The following ANGPT2 variants were observed in gnomAD, a reference collection of about 807,000 sequenced individuals.
The protein encoded by ANGPT2 is angiopoietin 2.
Under a neutral mutation model 62.9 loss-of-function variants are expected in ANGPT2, and 28 were observed. That is an observed-to-expected ratio of 0.44 (90% confidence interval 0.33 to 0.61). The LOEUF is 0.61. ANGPT2 is among the 20% of genes least tolerant of loss of function. The pLI is 0.03. For synonymous variants in ANGPT2, 284 were observed against 207.8 expected, an observed-to-expected ratio of 1.37 and a Z score of -3.15; for missense variants, 727 against 594.9, an observed-to-expected ratio of 1.22 and a Z score of -2.31.
intron 1 of ANGPT2, among the ~76,000 whole-genome samples, chr8:6,559,637 G>A (rs1825208348): frequency 6.6e-6 from 1 of 152,138 alleles, no homozygotes; most frequent in Non-Finnish European, 1.5e-5. Flanking sequence ...ACTCATCAGT[G>A]TGAAATAGTT....
chr8:6,506,551 G>T (rs1191144689), intron 8 of ANGPT2, among the ~76,000 whole-genome samples: 2 of 152,150 alleles, frequency 1.3e-5, no homozygotes, highest in Non-Finnish European at 2.9e-5. Context: ...TCCAGCATGT[G>T]GGGAAATGGT....
chr8:6,534,472 T>A (rs1489242427), intron 1 of ANGPT2, among the ~76,000 whole-genome samples: 1 of 152,132 alleles, frequency 6.6e-6, no homozygotes, highest in East Asian at 1.9e-4. Context: ...GCTCCAAGCA[T>A]GTGTAAAATC....
In ANGPT2 at chr8:6,502,393, G is replaced by T. The variant is rs945509138; in HGVS notation, c.*708C>A. 1 of 152,078 alleles carries T rather than the reference G, an allele frequency of 6.6e-6. No homozygotes were observed. The highest frequency in any genetic ancestry group is 1.5e-5 in the Non-Finnish European group (1 of 68,008). 9.4% of individuals were successfully genotyped at this position (152,078 alleles called of 1,614,324 possible). ...GTCTGCATATAAACTAAAATGGCAC[G>T]TTTCTGTTGATAATTTCAGAGATTC... On this transcript the variant is annotated 3_prime_UTR_variant, in exon 9 of 9. Coordinates refer to ENST00000629816, the MANE Select transcript of ANGPT2 (RefSeq NM_001118887.2).
chr8:6,513,790 G>C lies in ANGPT2; in HGVS notation c.1084C>G (p.Leu362Val), dbSNP rs752142320. 3 of 1,614,000 alleles carry C rather than the reference G, an allele frequency of 1.9e-6. No homozygotes were observed. Among genetic ancestry groups the C allele is most frequent in the South Asian group, 2.2e-5 (2 of 90,990 alleles). The change falls in exon 7 of 9, where the codon CTG becomes GTG. Residue 362 changes from leucine (L) to valine (V), a missense_variant. Coordinates refer to ENST00000629816, the MANE Select transcript of ANGPT2 (RefSeq NM_001118887.2). ...YWLGNEFVSQ[L>V]TNQQRYVLKI... ...AGCACATAGCGTTGCTGATTAGTCA[G>C]TTGCGAAACAAACTCATTTCCCAGC...
At chr8:6,513,634 C>G in intron 7 of ANGPT2, 44 bp downstream of exon 7, 1 of 1,573,472 alleles carries the variant, frequency 6.4e-7, no homozygotes. Context: ...TGCCCGGCCA[C>G]AAATCTTTTA....
intron 1 of ANGPT2, among the ~76,000 whole-genome samples, chr8:6,559,890 A>G (rs1488872338): frequency 6.6e-6 from 1 of 152,222 alleles, no homozygotes; most frequent in Admixed American, 6.5e-5. Flanking sequence ...TAACTACTAC[A>G]CAGTGAGTAA....
At chr8:6,543,108 C>T (rs1326629575) in intron 1 of ANGPT2, among the ~76,000 whole-genome samples, 2 of 152,160 alleles carry the variant, frequency 1.3e-5, no homozygotes, top group East Asian at 1.9e-4. Context: ...CGCAACTCCA[C>T]CCCCAGCCAA....
At chr8:6,552,731 C>T (rs1227393344) in intron 1 of ANGPT2, among the ~76,000 whole-genome samples, 1 of 152,046 alleles carries the variant, frequency 6.6e-6, no homozygotes, top group Non-Finnish European at 1.5e-5. Flanking sequence ...AAAACTGGTA[C>T]CGTTTCTGAA....
In ANGPT2 at chr8:6,521,269, A is replaced by G. The variant is rs1489237778; in HGVS notation, c.708T>C (p.Thr236=). 1.2e-6 allele frequency: 2 copies of G among 1,613,800 alleles called. No individual in the cohort carries two copies. Among genetic ancestry groups the G allele is most frequent in the African/African-American group, 2.7e-5 (2 of 74,924 alleles). Residue 236 remains threonine (T), a synonymous_variant, in exon 4 of 9, where the codon ACT becomes ACC. Coordinates refer to ENST00000629816, the MANE Select transcript of ANGPT2 (RefSeq NM_001118887.2). ...IIEELEKKIV[T]ATVNNSVLQK... is the part of the protein sequence containing the mutation. ...GAAGAACTGAATTATTCACCGTGGC[A>G]GTCACTATTTTTTTTTCTAGTTCTT...
At chr8:6,521,102 A>T in intron 4 of ANGPT2, 76 bp downstream of exon 4, 1 of 1,182,778 alleles carries the variant, frequency 8.5e-7, no homozygotes, top group Non-Finnish European at 1.2e-6. Context: ...CTGAAAGGTG[A>T]GAATTTTTTA....
chr8:6,514,756 C>G lies in ANGPT2; in HGVS notation c.950G>C (p.Gly317Ala). Residue 317 changes from glycine (G) to alanine (A), a missense_variant, in exon 6 of 9, where the codon GGA becomes GCA. Coordinates refer to ENST00000629816, the MANE Select transcript of ANGPT2 (RefSeq NM_001118887.2). The stretch of plus-strand genomic sequence containing the variant: ...CTGAATAATTGTCCACCCGCCTCCT[C>G]CAGCTTCCATGTCACAGTAGGCCTG... ...EIKAYCDMEA[G>A]GGGWTIIQRR... 1 of 1,614,050 alleles carries G rather than the reference C, an allele frequency of 6.2e-7. No individual in the cohort carries two copies. Among genetic ancestry groups the G allele is most frequent in the Middle Eastern group, 1.6e-4 (1 of 6,062 alleles).
Position 6,500,147 on chromosome 8 carries a change from C to G in ANGPT2, c.*2954G>C, listed in dbSNP as rs1003110551. 6 of 542,680 alleles carry G rather than the reference C, an allele frequency of 1.1e-5. No homozygotes were observed. The African/African-American group carries it at 1.1e-4, about 10-fold the overall frequency. 33.6% of individuals were successfully genotyped at this position (542,680 alleles called of 1,614,324 possible). On this transcript the variant is annotated 3_prime_UTR_variant, in exon 9 of 9. Coordinates refer to ENST00000629816, the MANE Select transcript of ANGPT2 (RefSeq NM_001118887.2). ...GCAAAAAGTAGTGAGGAATGCAGTC[C>G]AAAGAAAATTTGACGATTAACATCC...
intron 8 of ANGPT2, among the ~76,000 whole-genome samples, chr8:6,506,529 G>C (rs930644767): frequency 2.0e-5 from 3 of 152,188 alleles, no homozygotes; most frequent in Non-Finnish European, 4.4e-5. Flanking sequence ...CCTTCTCAAG[G>C]AGAGAGCTGG....
intron 5 of ANGPT2, among the ~76,000 whole-genome samples, chr8:6,515,973 G>A (rs1238163543): frequency 6.6e-6 from 1 of 152,140 alleles, no homozygotes; most frequent in African/African-American, 2.4e-5. Flanking sequence ...ATGCCTCATT[G>A]CCAGTGCAAC....
intron 1 of ANGPT2, among the ~76,000 whole-genome samples, chr8:6,550,919 G>T (rs147476778): frequency 6.6e-6 from 1 of 152,298 alleles, no homozygotes; most frequent in Non-Finnish European, 1.5e-5. Flanking sequence ...AGCCCAAGGA[G>T]CCCAAGGGGA....
At chr8:6,528,050 C>A (rs896769395) in intron 2 of ANGPT2, among the ~76,000 whole-genome samples, 2 of 143,122 alleles carry the variant, frequency 1.4e-5, no homozygotes, top group African/African-American at 5.1e-5. Flanking sequence ...TGCGTACCAC[C>A]ATACCCAGCT....
At chr8:6,549,702 C>T (rs1299913720) in intron 1 of ANGPT2, among the ~76,000 whole-genome samples, 1 of 151,216 alleles carries the variant, frequency 6.6e-6, no homozygotes, top group African/African-American at 2.4e-5. Flanking sequence ...GCTGGGCGGT[C>T]ATTACACAGG....
chr8:6,538,179 T>C (rs557957637), intron 1 of ANGPT2, among the ~76,000 whole-genome samples: 2 of 152,320 alleles, frequency 1.3e-5, no homozygotes, highest in Admixed American at 1.3e-4. Flanking sequence ...CCTTGAATTT[T>C]TCTAGTAAAT....
In ANGPT2 at chr8:6,519,852, C is replaced by T. The variant is rs368790940; in HGVS notation, c.927+12G>A. On this transcript the variant is annotated intron_variant, in intron 5 of 8. Transcript: ENST00000629816. ...GAGCCAGGGAGTTAGTAAGGGGAGACGAATACCTCACCTTGATCTCTTCTG... is the reference window on the plus strand; with the variant it reads ...GAGCCAGGGAGTTAGTAAGGGGAGATGAATACCTCACCTTGATCTCTTCTG... 14 of 1,612,912 alleles carry T rather than the reference C, an allele frequency of 8.7e-6. No individual in the cohort carries two copies. The highest frequency in any genetic ancestry group is 4.0e-5 in the African/African-American group (3 of 74,886).
Sources: allele counts gnomAD v4.1 joint callset (sites outside exome capture counted in the v4.1 genomes callset), GRCh38; gene constraint gnomAD v4.1.1; transcripts MANE v1.5; gene names NCBI Gene and HGNC (gene_info 2026-07-23, HGNC 2026-07-21).